Variants in ROBO2 observed in about 807,000 individuals in gnomAD.
ROBO2 encodes the protein roundabout guidance receptor 2.
In ROBO2, 53 loss-of-function variants were observed where a neutral mutation model predicts 160.8. The observed-to-expected ratio is 0.33, with a 90% CI of 0.26 to 0.41. ROBO2 has a LOEUF of 0.41. Among genes scored for constraint, ROBO2 ranks in the 10% least tolerant of loss-of-function variants. The pLI, the probability that ROBO2 is intolerant of heterozygous loss-of-function variation, is 1.00. For missense variants in ROBO2, 1,577 were observed against 1,722.4 expected (o/e 0.92, Z 1.49); for synonymous variants, 664 against 611.7 (o/e 1.09, Z -1.26).
intron 2 of ROBO2, among the ~76,000 whole-genome samples, chr3:76,079,512 C>A (rs1333942708): frequency 7.3e-6 from 1 of 136,174 alleles, no homozygotes; most frequent in African/African-American, 2.9e-5. Context: ...GAGACAGAGT[C>A]TCGCTCTGTC....
At chr3:76,140,870 GT>G (rs140873827) in intron 2 of ROBO2, among the ~76,000 whole-genome samples, 4 of 149,092 alleles carry the variant, frequency 2.7e-5, no homozygotes, top group Non-Finnish European at 4.5e-5. Context: ...TATTGTATGT[GT>G]TTTTTTCAAG....
At chr3:77,308,877 T>G (rs1334933205) in intron 2 of ROBO2, among the ~76,000 whole-genome samples, 1 of 152,186 alleles carries the variant, frequency 6.6e-6, no homozygotes, top group Non-Finnish European at 1.5e-5. Flanking sequence ...AGAAAATGGT[T>G]GATCTGGGAT....
intron 2 of ROBO2, among the ~76,000 whole-genome samples, chr3:76,229,824 C>T (rs937852364): frequency 2.6e-5 from 4 of 152,084 alleles, no homozygotes; most frequent in African/African-American, 9.7e-5. Flanking sequence ...CTAGAAACAT[C>T]AACCAAAGGT....
intron 2 of ROBO2, among the ~76,000 whole-genome samples, chr3:76,878,610 G>GATT (rs35354525): frequency 0.026 from 3,975 of 152,160 alleles, 106 homozygotes; most frequent in African/African-American, 0.062. Context: ...TGTGTACCAA[G>GATT]ATTACCAAGT....
chr3:76,051,818 A>C (rs931030257), intron 2 of ROBO2, among the ~76,000 whole-genome samples: 7 of 151,176 alleles, frequency 4.6e-5, no homozygotes, highest in African/African-American at 1.7e-4. Flanking sequence ...TTGTAAGATA[A>C]ATTATATACC....
chr3:76,216,958 A>G (rs369639621), intron 2 of ROBO2, among the ~76,000 whole-genome samples: 13 of 152,176 alleles, frequency 8.5e-5, no homozygotes, highest in Non-Finnish European at 1.0e-4. Flanking sequence ...ATAACAAACT[A>G]TCTCTCAGAC....
chr3:76,820,313 C>T (rs888214626), intron 2 of ROBO2, among the ~76,000 whole-genome samples: 1 of 152,002 alleles, frequency 6.6e-6, no homozygotes, highest in Non-Finnish European at 1.5e-5. Flanking sequence ...CCTGGCATAA[C>T]ATTAGTTTCA....
At chr3:76,971,304 G>A (rs966740522) in intron 2 of ROBO2, among the ~76,000 whole-genome samples, 3 of 152,078 alleles carry the variant, frequency 2.0e-5, no homozygotes, top group African/African-American at 7.2e-5. Context: ...AGAGATGATT[G>A]TAACAGGAAT....
rs1434661410 is a variant in ROBO2 at position 77,455,390 on chromosome 3, T to G, written c.389-22024T>G. Among the ~76,000 whole-genome samples the G allele has an allele frequency of 2.0e-5, 3 of 152,168 alleles. No homozygotes were observed. The East Asian group carries it at 5.8e-4, about 29-fold the overall frequency. ...TATAATCGCTGACATGTGAATATACTTAATTAGGGCAAAACAGAAGTCCGA... is the reference window on the plus strand; with the variant it reads ...TATAATCGCTGACATGTGAATATACGTAATTAGGGCAAAACAGAAGTCCGA... On this transcript the variant is annotated intron_variant, in intron 2 of 25. Coordinates refer to ENST00000461745, the Ensembl canonical transcript of ROBO2.
intron 2 of ROBO2, among the ~76,000 whole-genome samples, chr3:77,329,443 A>G (rs1422983475): frequency 6.6e-6 from 1 of 152,210 alleles, no homozygotes; most frequent in Non-Finnish European, 1.5e-5. Context: ...TAATGACATA[A>G]CGTGTTAACC....
intron 2 of ROBO2, among the ~76,000 whole-genome samples, chr3:76,011,652 GA>G (rs2066197438): frequency 6.6e-6 from 1 of 152,190 alleles, no homozygotes; most frequent in African/African-American, 2.4e-5. Context: ...GGGGAAGAGG[GA>G]GGGGGAACTT....
chr3:76,844,987 T>C (rs563242662), intron 2 of ROBO2, among the ~76,000 whole-genome samples: 2 of 152,088 alleles, frequency 1.3e-5, no homozygotes, highest in Admixed American at 1.3e-4. Context: ...GATAATACTC[T>C]AAACTATTTT....
chr3:76,469,594 C>A (rs2078544901), intron 2 of ROBO2, among the ~76,000 whole-genome samples: 1 of 152,020 alleles, frequency 6.6e-6, no homozygotes, highest in Non-Finnish European at 1.5e-5. Context: ...CCCTTTTCTT[C>A]TTTTAATTTC....
chr3:77,205,324 G>T (rs1180214501), intron 2 of ROBO2, among the ~76,000 whole-genome samples: 2 of 151,958 alleles, frequency 1.3e-5, no homozygotes, highest in African/African-American at 4.8e-5. Context: ...CTCCCCTAAA[G>T]TTTGGCTGTC....
chr3:76,354,225 G>C (rs2075034784), intron 2 of ROBO2, among the ~76,000 whole-genome samples: 1 of 151,874 alleles, frequency 6.6e-6, no homozygotes, highest in Middle Eastern at 3.2e-3. Flanking sequence ...GCTTTTAAAT[G>C]TTTTGAATTC....
At chr3:77,275,756 CA>C (rs2059785594) in intron 2 of ROBO2, among the ~76,000 whole-genome samples, 2 of 152,040 alleles carry the variant, frequency 1.3e-5, no homozygotes, top group Admixed American at 1.3e-4. Flanking sequence ...ACAAAATTGG[CA>C]TAAGAGTTTC....
chr3:77,146,494 A>G (rs1049833241), intron 2 of ROBO2, among the ~76,000 whole-genome samples: 1 of 152,198 alleles, frequency 6.6e-6, no homozygotes, highest in African/African-American at 2.4e-5. Context: ...TTTGATTATC[A>G]TATCTATCAA....
At chr3:77,437,711 C>G (rs935711497) in intron 2 of ROBO2, among the ~76,000 whole-genome samples, 1 of 151,912 alleles carries the variant, frequency 6.6e-6, no homozygotes, top group African/African-American at 2.4e-5. Flanking sequence ...ACAATCTAGC[C>G]TATAAAATGG....
At chr3:76,360,852 C>T (rs113910301) in intron 2 of ROBO2, among the ~76,000 whole-genome samples, 1,764 of 152,004 alleles carry the variant, frequency 0.012, 37 homozygotes, top group African/African-American at 0.04. Flanking sequence ...ACAGAACGGC[C>T]ACATTGTGAA....
Sources: gnomAD v4.1 joint callset for allele counts (sites outside exome capture counted in the v4.1 genomes callset) on GRCh38, gnomAD v4.1.1 for gene constraint, MANE v1.5 for transcripts, NCBI Gene and HGNC (gene_info 2026-07-23, HGNC 2026-07-21) for gene names.